SPTLC3: variants seen among roughly 807,000 people sequenced by gnomAD.
SPTLC3 encodes serine palmitoyltransferase 3.
A neutral mutation model predicts 59.3 loss-of-function variants in SPTLC3; 36 were observed. The ratio of observed to expected loss-of-function variants is 0.61; its 90% CI spans 0.47 to 0.80. The LOEUF is 0.80. SPTLC3 is among the 30% of genes least tolerant of loss of function. SPTLC3 has a pLI of 0.00. For missense variants in SPTLC3, 625 were observed against 685.1 expected (o/e 0.91, Z 0.98); for synonymous variants, 257 against 240.8 (o/e 1.07, Z -0.62).
chr20:13,022,771 C>A (rs1360569043), intron 1 of SPTLC3, among the ~76,000 whole-genome samples: 2 of 152,196 alleles, frequency 1.3e-5, no homozygotes, highest in Non-Finnish European at 2.9e-5. Context: ...CTCCCCTCCC[C>A]TCTGCCACAA....
chr20:13,121,571 CGAG>C (rs1216194881), intron 8 of SPTLC3, among the ~76,000 whole-genome samples: 1 of 152,084 alleles, frequency 6.6e-6, no homozygotes, highest in Non-Finnish European at 1.5e-5. Context: ...AACCTCGATA[CGAG>C]GAGACCTCTA....
chr20:13,024,065 T>C (rs1431878785), intron 1 of SPTLC3, among the ~76,000 whole-genome samples: 1 of 152,192 alleles, frequency 6.6e-6, no homozygotes, highest in Admixed American at 6.5e-5. Flanking sequence ...ACTTTTACAT[T>C]GCACTACATG....
At chr20:13,040,757 T>C (rs1240541643) in intron 1 of SPTLC3, among the ~76,000 whole-genome samples, 3 of 152,192 alleles carry the variant, frequency 2.0e-5, no homozygotes, top group Non-Finnish European at 4.4e-5. Flanking sequence ...CCTTTAGTAC[T>C]TCTTGAAAGG....
intron 2 of SPTLC3, among the ~76,000 whole-genome samples, chr20:13,069,903 A>T (rs1021398896): frequency 1.3e-5 from 2 of 152,170 alleles, no homozygotes; most frequent in African/African-American, 2.4e-5. Flanking sequence ...TTACTTACAC[A>T]CCTACTGCTC....
chr20:13,091,281 G>C (rs1233170057), intron 5 of SPTLC3, 74 bp downstream of exon 5: 11 of 1,559,976 alleles, frequency 7.1e-6, no homozygotes, highest in Non-Finnish European at 9.6e-6. Flanking sequence ...GTCCTTGTTA[G>C]AAGTATGGCT....
chr20:13,057,065 C>T lies in SPTLC3; in HGVS notation c.303+7935C>T, dbSNP rs183259043. On this transcript the variant is annotated intron_variant, in intron 2 of 11. Transcript: ENST00000399002. ...CCCTTTAATCTTTTAATACCATCCC[C>T]AGTCCTTTACATCTGATAGTATTCT... 4.6e-5 allele frequency among the ~76,000 whole-genome samples: 7 copies of T among 152,280 alleles called. No individual in the cohort carries two copies. In the East Asian group the frequency reaches 5.8e-4, roughly 13 times the overall value.
At position 13,160,072 on chromosome 20, in the gene SPTLC3, C is replaced by T. The variant is rs1324631239; in HGVS notation, c.1485C>T (p.Leu495=). 3.1e-6 allele frequency: 5 copies of T among 1,613,600 alleles called. No homozygotes were observed. Among genetic ancestry groups the T allele is most frequent in the East Asian group, 2.2e-5 (1 of 44,864 alleles). ...TCGTGGGATTTCCAGCCACTCCCCT[C>T]GCAGAAGCTCGGGCTCGGTTTTGTG... The part of the protein sequence containing the change: ...VVVVGFPATP[L]AEARARFCVS... Residue 495 remains leucine (L), a synonymous_variant, in exon 11 of 12, where the codon CTC becomes CTT. Transcript: ENST00000399002.
intron 4 of SPTLC3, among the ~76,000 whole-genome samples, chr20:13,083,997 TC>T (rs1988927376): frequency 1.3e-5 from 2 of 152,112 alleles, no homozygotes; most frequent in South Asian, 4.2e-4. Flanking sequence ...CTTGCAACGG[TC>T]CCCAGGCAGC....
chr20:13,086,940 C>G (rs1989023800), intron 4 of SPTLC3, among the ~76,000 whole-genome samples: 1 of 152,126 alleles, frequency 6.6e-6, no homozygotes, highest in Admixed American at 6.6e-5. Context: ...TAGGTGCATA[C>G]CACCATGCCC....
At chr20:13,057,763 A>G (rs1432715950) in intron 2 of SPTLC3, among the ~76,000 whole-genome samples, 1 of 152,236 alleles carries the variant, frequency 6.6e-6, no homozygotes, top group Admixed American at 6.5e-5. Flanking sequence ...GGCCAAGAAT[A>G]TCTCTTTGTT....
intron 9 of SPTLC3, among the ~76,000 whole-genome samples, chr20:13,132,551 A>G (rs1212879574): frequency 2.0e-5 from 3 of 152,184 alleles, no homozygotes; most frequent in Non-Finnish European, 2.9e-5. Context: ...TGCCCTCACT[A>G]AAAGGTAAAC....
At chr20:13,152,396 T>C (rs143353809) in intron 9 of SPTLC3, among the ~76,000 whole-genome samples, 19 of 152,198 alleles carry the variant, frequency 1.2e-4, no homozygotes, top group African/African-American at 3.4e-4. Context: ...CACATTTGGT[T>C]ATAAGAGGCA....
chr20:13,157,005 T>C (rs1217135993), intron 10 of SPTLC3, among the ~76,000 whole-genome samples: 3 of 152,226 alleles, frequency 2.0e-5, no homozygotes, highest in Non-Finnish European at 4.4e-5. Context: ...CAACTTAAGA[T>C]TGTTTTTTAA....
rs1987311540 is a variant in SPTLC3 at position 13,048,144 on chromosome 20, T to C, written c.118-801T>C. 2.6e-5 allele frequency among the ~76,000 whole-genome samples: 4 copies of C among 152,144 alleles called. No homozygotes were observed. The South Asian group carries it at 8.3e-4, about 32-fold the overall frequency. On this transcript the variant is annotated intron_variant, in intron 1 of 11. Coordinates refer to ENST00000399002, the MANE Select transcript of SPTLC3 (RefSeq NM_018327.4). ...AGAAGAGCTAACTATCCTAAATATA[T>C]ATGCACCCAATACAGGAGCACCCAG...
At chr20:13,154,593 G>A (rs2038723506) in intron 10 of SPTLC3, among the ~76,000 whole-genome samples, 2 of 152,136 alleles carry the variant, frequency 1.3e-5, no homozygotes, top group South Asian at 2.1e-4. Context: ...GGAAGCTGAG[G>A]CTGAGAGCAG....
intron 7 of SPTLC3, among the ~76,000 whole-genome samples, chr20:13,113,516 A>G (rs945017267): frequency 2.0e-5 from 3 of 152,212 alleles, no homozygotes; most frequent in Non-Finnish European, 4.4e-5. Context: ...CAGTCTGAGA[A>G]GTCAGACAAC....
chr20:13,066,602 G>A (rs1227400073), intron 2 of SPTLC3, among the ~76,000 whole-genome samples: 1 of 152,182 alleles, frequency 6.6e-6, no homozygotes, highest in East Asian at 1.9e-4. Context: ...ACTTGGAAGA[G>A]TACAGAATTT....
At position 13,154,138 on chromosome 20, in the gene SPTLC3, C is replaced by T. The variant is rs767292560; in HGVS notation, c.1415C>T (p.Ala472Val). 23 of 1,613,910 alleles carry T rather than the reference C, an allele frequency of 1.4e-5. No individual in the cohort carries two copies. The highest frequency in any genetic ancestry group is 1.2e-5 in the Non-Finnish European group (14 of 1,179,894). Residue 472 changes from alanine to valine, a missense_variant and splice_region_variant, in exon 10 of 12, where the codon GCG becomes GTG. Transcript: ENST00000399002. ...CTTCTTTATATGCCTGGTAAAGTAG[C>T]GTAAGTATCCAAGGCATCTCATAAT... ...PLLLYMPGKV[A>V]AFARHMLEKK...
At chr20:13,089,841 G>A (rs171500) in intron 4 of SPTLC3, among the ~76,000 whole-genome samples, 43,540 of 148,928 alleles carry the variant, frequency 0.29, 6,667 homozygotes, top group African/African-American at 0.34. Context: ...TTTTGTCATC[G>A]TACTATGGCT....
Sources: gnomAD v4.1 joint callset for allele counts (sites outside exome capture counted in the v4.1 genomes callset) on GRCh38, gnomAD v4.1.1 for gene constraint, MANE v1.5 for transcripts, NCBI Gene and HGNC (gene_info 2026-07-23, HGNC 2026-07-21) for gene names.